Variants in FUT9 observed in about 807,000 individuals in gnomAD.
FUT9 encodes the protein fucosyltransferase 9.
FUT9 carries 15 observed loss-of-function variants against 29.7 expected under a neutral mutation model. That is an observed-to-expected ratio of 0.51 (90% confidence interval 0.34 to 0.78). The LOEUF (loss-of-function observed/expected upper bound fraction) is 0.78, where lower values mean the gene tolerates loss of function less well. Ranked by LOEUF, FUT9 falls within the 30% of genes least tolerant of loss-of-function variation. FUT9 has a pLI of 0.01. For missense variants in FUT9, 319 were observed against 425.4 expected (o/e 0.75, Z 2.20); for synonymous variants, 169 against 153.7 (o/e 1.10, Z -0.74).
intron 2 of FUT9, among the ~76,000 whole-genome samples, chr6:96,122,283 C>A (rs1032257773): frequency 1.3e-5 from 2 of 152,146 alleles, no homozygotes; most frequent in Non-Finnish European, 2.9e-5. Flanking sequence ...CCTAAGTAAT[C>A]AGGAGTGTCT....
chr6:96,189,222 AGAGGT>A (rs1773460658), intron 2 of FUT9, among the ~76,000 whole-genome samples: 1 of 151,952 alleles, frequency 6.6e-6, no homozygotes, highest in South Asian at 2.1e-4. Context: ...TGCTCCAGGG[AGAGGT>A]GAGGGCTGGT....
intron 1 of FUT9, among the ~76,000 whole-genome samples, chr6:96,020,392 G>C (rs1300686547): frequency 2.0e-5 from 3 of 152,052 alleles, no homozygotes; most frequent in Non-Finnish European, 2.9e-5. Flanking sequence ...CACAGAGAAG[G>C]TTTCGTATCC....
chr6:96,050,474 G>T (rs566138446), intron 1 of FUT9, among the ~76,000 whole-genome samples: 1 of 152,160 alleles, frequency 6.6e-6, no homozygotes, highest in African/African-American at 2.4e-5. Flanking sequence ...CTTTTCAAGC[G>T]ATTCTAACAG....
chr6:96,089,102 A>C (rs762569344), intron 1 of FUT9, among the ~76,000 whole-genome samples: 49 of 152,200 alleles, frequency 3.2e-4, no homozygotes, highest in Non-Finnish European at 5.0e-4. Context: ...ATCGGAATAC[A>C]AACTATAACT....
At chr6:96,097,477 A>G (rs766897261) in intron 1 of FUT9, among the ~76,000 whole-genome samples, 18 of 152,046 alleles carry the variant, frequency 1.2e-4, no homozygotes, top group Non-Finnish European at 1.8e-4. Flanking sequence ...ATAGTTAAAA[A>G]TATATATATT....
chr6:96,086,959 T>C (rs1771326015), intron 1 of FUT9, among the ~76,000 whole-genome samples: 1 of 152,164 alleles, frequency 6.6e-6, no homozygotes, highest in African/African-American at 2.4e-5. Context: ...AATTTTCGGT[T>C]AGCACCTGTG....
intron 2 of FUT9, among the ~76,000 whole-genome samples, chr6:96,144,374 G>A (rs1266780269): frequency 6.6e-6 from 1 of 152,118 alleles, no homozygotes; most frequent in Admixed American, 6.6e-5. Context: ...TAGGAGAAAA[G>A]AGTGATATTC....
intron 1 of FUT9, among the ~76,000 whole-genome samples, chr6:96,055,628 G>A (rs1248459614): frequency 4.0e-5 from 6 of 150,262 alleles, no homozygotes; most frequent in Middle Eastern, 3.5e-3. Context: ...GTTTCTTTAT[G>A]GTGTGGTCTG....
At chr6:96,085,822 T>C (rs111870606) in intron 1 of FUT9, among the ~76,000 whole-genome samples, 14 of 152,196 alleles carry the variant, frequency 9.2e-5, no homozygotes, top group Non-Finnish European at 1.6e-4. Context: ...AATTGCTTTA[T>C]AGTAGTTCAT....
At chr6:96,173,361 A>G (rs2127983717) in intron 2 of FUT9, among the ~76,000 whole-genome samples, 1 of 152,266 alleles carries the variant, frequency 6.6e-6, no homozygotes, top group East Asian at 1.9e-4. Flanking sequence ...CTAAAATGTT[A>G]GCTACATGAG....
At chr6:96,143,333 T>A (rs1239698565) in intron 2 of FUT9, among the ~76,000 whole-genome samples, 1 of 152,208 alleles carries the variant, frequency 6.6e-6, no homozygotes, top group Admixed American at 6.5e-5. Context: ...TAAATTTTGG[T>A]TGTTTCTAAG....
intron 2 of FUT9, among the ~76,000 whole-genome samples, chr6:96,119,537 T>C (rs141193370): frequency 5.3e-5 from 8 of 152,316 alleles, no homozygotes; most frequent in African/African-American, 1.7e-4. Flanking sequence ...TACTTCAAAA[T>C]AATTATGTCT....
intron 2 of FUT9, among the ~76,000 whole-genome samples, chr6:96,196,673 C>T (rs1049058395): frequency 1.3e-5 from 2 of 152,086 alleles, no homozygotes; most frequent in Admixed American, 6.6e-5. Context: ...CATCACACCA[C>T]TGCACTCCGG....
chr6:96,120,395 C>G (rs1437494931), intron 2 of FUT9, among the ~76,000 whole-genome samples: 1 of 150,358 alleles, frequency 6.7e-6, no homozygotes, highest in South Asian at 2.1e-4. Flanking sequence ...CTCAGCACCC[C>G]CAGTAGCTGG....
intron 2 of FUT9, among the ~76,000 whole-genome samples, chr6:96,197,473 C>G (rs1582303979): frequency 6.6e-6 from 1 of 152,138 alleles, no homozygotes; most frequent in African/African-American, 2.4e-5. Flanking sequence ...CAAATTCACC[C>G]TTCAATTTGT....
chr6:96,059,794 A>C (rs9399736), intron 1 of FUT9, among the ~76,000 whole-genome samples: 82,461 of 151,928 alleles, frequency 0.54, 22,510 homozygotes, highest in South Asian at 0.63. Context: ...CAAAGTGTGA[A>C]TATAAAGCAA....
intron 1 of FUT9, among the ~76,000 whole-genome samples, chr6:96,023,023 A>C (rs1055291145): frequency 6.6e-6 from 1 of 151,900 alleles, no homozygotes; most frequent in Non-Finnish European, 1.5e-5. Flanking sequence ...GTGGGACCCC[A>C]AATATAGAGA....
intron 1 of FUT9, among the ~76,000 whole-genome samples, chr6:96,071,927 A>C (rs1463226791): frequency 1.3e-5 from 2 of 152,094 alleles, no homozygotes; most frequent in Non-Finnish European, 2.9e-5. Context: ...GAGCCACCAC[A>C]CCCAGCCCAA....
chr6:96,069,410 A>C (rs1771015921), intron 1 of FUT9, among the ~76,000 whole-genome samples: 1 of 152,108 alleles, frequency 6.6e-6, no homozygotes, highest in Non-Finnish European at 1.5e-5. Context: ...TGGAATGAGT[A>C]ATCAGATTGC....
Sources: allele counts gnomAD v4.1 joint callset (sites outside exome capture counted in the v4.1 genomes callset), GRCh38; gene constraint gnomAD v4.1.1; transcripts MANE v1.5; gene names NCBI Gene and HGNC (gene_info 2026-07-23, HGNC 2026-07-21).